SYNE1: variants seen among roughly 807,000 people sequenced by gnomAD.
SYNE1 encodes the protein spectrin repeat containing nuclear envelope protein 1.
A neutral mutation model predicts 1,111.0 loss-of-function variants in SYNE1; 616 were observed. The ratio of observed to expected loss-of-function variants is 0.55; its 90% CI spans 0.52 to 0.59. The LOEUF (loss-of-function observed/expected upper bound fraction) is 0.59, where lower values mean the gene tolerates loss of function less well. Ranked by LOEUF, SYNE1 falls within the 20% of genes least tolerant of loss-of-function variation. SYNE1 has a pLI of 0.00. For synonymous variants in SYNE1, 3,855 were observed against 3,825.8 expected, an observed-to-expected ratio of 1.01 and a Z score of -0.28; for missense variants, 10,006 against 10,417.0, an observed-to-expected ratio of 0.96 and a Z score of 1.72.
chr6:152,559,048 C>A (rs932682360), intron 3 of SYNE1, among the ~76,000 whole-genome samples: 1 of 149,720 alleles, frequency 6.7e-6, no homozygotes, highest in Non-Finnish European at 1.5e-5. Flanking sequence ...GCATCTGTTG[C>A]CTGGGCTAGA....
intron 21 of SYNE1, among the ~76,000 whole-genome samples, chr6:152,460,799 C>CTTTTT (rs869295894): frequency 1.5e-5 from 1 of 67,538 alleles, no homozygotes; most frequent in Non-Finnish European, 2.6e-5. Context: ...TGTATATAAT[C>CTTTTT]TTTTTTTTTT....
intron 126 of SYNE1, among the ~76,000 whole-genome samples, chr6:152,202,373 A>C (rs1270222775): frequency 6.4e-5 from 2 of 31,128 alleles, no homozygotes; most frequent in African/African-American, 1.6e-4. Flanking sequence ...AAAAAAAGCA[A>C]AAAAAAAAAA....
intron 14 of SYNE1, 79 bp from the exon 15 acceptor site, chr6:152,472,492 A>G: frequency 7.8e-7 from 1 of 1,287,052 alleles, no homozygotes; most frequent in South Asian, 1.2e-5. Context: ...TCCAGCCCGC[A>G]CCGATGAGTC....
intron 143 of SYNE1, among the ~76,000 whole-genome samples, chr6:152,132,814 T>C (rs9383965): frequency 0.087 from 13,151 of 151,520 alleles, 732 homozygotes; most frequent in East Asian, 0.29. Flanking sequence ...AATACCACAA[T>C]GGAGTTGATT....
At chr6:152,283,914 C>T (rs931006500) in intron 96 of SYNE1, 64 bp downstream of exon 96, 1 of 1,316,856 alleles carries the variant, frequency 7.6e-7, no homozygotes, top group African/African-American at 1.4e-5. Flanking sequence ...AACCCACATA[C>T]TTGGTAACAC....
At chr6:152,140,804 C>T (rs774857571) in intron 139 of SYNE1, among the ~76,000 whole-genome samples, 12 of 151,914 alleles carry the variant, frequency 7.9e-5, no homozygotes, top group Non-Finnish European at 1.2e-4. Context: ...GAGGCCGAGG[C>T]GGGTGGATCA....
rs2097961328 is a variant in SYNE1, at chr6:152,409,165, T to C, written c.6443A>G (p.Lys2148Arg). Residue 2148 changes from lysine to arginine, a missense_variant, in exon 44 of 146, where the codon AAA becomes AGA. Physicochemically the swap from Lys to Arg is conservative, Grantham distance 26. Around this residue, in one of 7 missense-constraint regions of SYNE1, gnomAD observed 4,955 missense variants for 5,017.2 expected, o/e 0.99. Transcript: ENST00000367255. The part of the protein sequence containing the change: ...KQKDLDNFTS[K>R]GKHLLSELKK... ...CAGCTCAGATAACAAGTGTTTTCCT[T>C]TGCTGGTAAAGTTATCCAAGTCTTT... 12 of 1,614,154 alleles carry C rather than the reference T, an allele frequency of 7.4e-6. No homozygotes were observed. Among genetic ancestry groups the C allele is most frequent in the Non-Finnish European group, 1.0e-5 (12 of 1,180,010 alleles).
intron 136 of SYNE1, 61 bp downstream of exon 136, chr6:152,149,416 A>C: frequency 6.2e-7 from 1 of 1,603,270 alleles, no homozygotes; most frequent in Non-Finnish European, 8.5e-7. Context: ...AATACAACCC[A>C]ATCCCACACG....
intron 3 of SYNE1, among the ~76,000 whole-genome samples, chr6:152,561,363 A>T (rs1462123683): frequency 6.6e-6 from 1 of 152,140 alleles, no homozygotes; most frequent in Non-Finnish European, 1.5e-5. Context: ...CTTAGGAGTA[A>T]ATTTAACCAA....
intron 126 of SYNE1, among the ~76,000 whole-genome samples, chr6:152,204,897 A>T (rs1049236694): frequency 3.3e-5 from 5 of 152,148 alleles, no homozygotes; most frequent in African/African-American, 4.8e-5. Flanking sequence ...TCACAAATTT[A>T]AAAAAATATA....
intron 55 of SYNE1, among the ~76,000 whole-genome samples, chr6:152,383,209 C>G (rs2097456963): frequency 6.6e-6 from 1 of 152,222 alleles, no homozygotes; most frequent in Admixed American, 6.5e-5. Flanking sequence ...TCCCATATTC[C>G]TTGTCTTTAT....
chr6:152,468,485 C>T (rs564064803), intron 16 of SYNE1, among the ~76,000 whole-genome samples: 2 of 152,078 alleles, frequency 1.3e-5, no homozygotes, highest in Non-Finnish European at 2.9e-5. Context: ...TTTTGGTTTG[C>T]ATTACAGCAT....
chr6:152,251,602 CA>C (rs1442233045), intron 104 of SYNE1, among the ~76,000 whole-genome samples: 5 of 151,030 alleles, frequency 3.3e-5, no homozygotes, highest in Non-Finnish European at 7.4e-5. Flanking sequence ...ACTAAAAATA[CA>C]AAAAAATTAG....
chr6:152,568,037 C>T (rs928531483), intron 3 of SYNE1, among the ~76,000 whole-genome samples: 1 of 151,830 alleles, frequency 6.6e-6, no homozygotes, highest in African/African-American at 2.4e-5. Flanking sequence ...TCATTGAGAA[C>T]CTCTCTTTAC....
Position 152,145,868 on chromosome 6 carries a change from T to C in SYNE1, c.24977-2103A>G, listed in dbSNP as rs2059388066. The C allele has an allele frequency of 1.1e-5, 4 of 357,214 alleles. No homozygotes were observed. The Admixed American group carries it at 1.5e-4, about 14-fold the overall frequency. The allele number at this position is 357,214 out of a possible 1,614,324, so 22.1% of individuals were successfully genotyped here. A position where few individuals can be genotyped will look rare whatever the true frequency, so the allele number is the denominator to read the frequency against. ...GGTGGAACCCCATCTCTACTAAAAA[T>C]ACAAAAATTAGCCAGGTGTGGTGAC... is the stretch of plus-strand genomic sequence containing the variant. On this transcript the variant is annotated intron_variant, in intron 137 of 145. Transcript: ENST00000367255.
chr6:152,416,974 C>G lies in SYNE1; in HGVS notation c.5463G>C (p.Gln1821His). 6.2e-7 allele frequency: 1 copy of G among 1,614,214 alleles called. No individual in the cohort carries two copies. Among genetic ancestry groups the G allele is most frequent in the South Asian group, 1.1e-5 (1 of 91,084 alleles). Residue 1821 changes from glutamine (Q) to histidine (H), a missense_variant, in exon 41 of 146, where the codon CAG becomes CAC. Gln to His is a conservative substitution (Grantham distance 24). This residue lies in a region of SYNE1 where 4,955 missense variants were observed against 5,017.2 expected (regional missense o/e 0.99). Coordinates refer to ENST00000367255, the MANE Select transcript of SYNE1 (RefSeq NM_182961.4). ...ACTTTGCTAAGTGACCCTGCAGACT[C>G]TGCAATTCGCCCTTTTTGCTCTCTA... Reference protein sequence around the residue: ...AEVESKKGELQSLQGHLAKLG... With the variant: ...AEVESKKGELHSLQGHLAKLG...
intron 91 of SYNE1, 41 bp from the exon 92 acceptor site, chr6:152,302,104 CA>C (rs1470214965): frequency 5.0e-6 from 8 of 1,612,770 alleles, no homozygotes; most frequent in African/African-American, 1.3e-5. Context: ...AGAGCAGCAT[CA>C]AAAGGAAACA....
At chr6:152,273,997 AC>A (rs1221355005) in intron 98 of SYNE1, among the ~76,000 whole-genome samples, 2 of 152,198 alleles carry the variant, frequency 1.3e-5, no homozygotes, top group East Asian at 3.8e-4. Flanking sequence ...TTGCTATCCT[AC>A]CTAGGAAACT....
At position 152,510,166 on chromosome 6, in the gene SYNE1, A is replaced by G. The variant is rs746211784; in HGVS notation, c.581+27T>C. On this transcript the variant is annotated intron_variant, in intron 8 of 145. Coordinates refer to ENST00000367255, the MANE Select transcript of SYNE1 (RefSeq NM_182961.4). ...ATTCATAACTCAATTTAACGGTTTCAAATTTAGACAAACTCTTGATACTTA... is the reference window on the plus strand; with the variant it reads ...ATTCATAACTCAATTTAACGGTTTCGAATTTAGACAAACTCTTGATACTTA... 1.1e-5 allele frequency: 18 copies of G among 1,611,918 alleles called. No individual in the cohort carries two copies. In the South Asian group the frequency reaches 1.9e-4, roughly 17 times the overall value.
Sources: allele counts gnomAD v4.1 joint callset (sites outside exome capture counted in the v4.1 genomes callset), GRCh38; gene constraint gnomAD v4.1.1; regional missense constraint gnomAD v4.1.1; transcripts MANE v1.5; gene names NCBI Gene and HGNC (gene_info 2026-07-23, HGNC 2026-07-21).